Variants in KHDRBS2 observed in about 807,000 individuals in gnomAD.
KHDRBS2 encodes KH RNA binding domain containing, signal transduction associated 2.
In KHDRBS2, 26 loss-of-function variants were observed where a neutral mutation model predicts 44.3. The observed-to-expected ratio is 0.59, with a 90% CI of 0.43 to 0.81. KHDRBS2 has a LOEUF of 0.81. KHDRBS2 is among the 40% of genes least tolerant of loss of function. The pLI is 0.00. For missense variants in KHDRBS2, 476 were observed against 433.1 expected (o/e 1.10, Z -0.88); for synonymous variants, 194 against 151.1 (o/e 1.28, Z -2.08).
intron 1 of KHDRBS2, among the ~76,000 whole-genome samples, chr6:62,237,486 G>A (rs1490842075): frequency 6.6e-6 from 1 of 152,144 alleles, no homozygotes; most frequent in Non-Finnish European, 1.5e-5. Flanking sequence ...AAGAGTTCTG[G>A]CTTGGATTTA....
At chr6:62,169,159 G>GTATATGTGTATATA (rs1491102372) in intron 2 of KHDRBS2, among the ~76,000 whole-genome samples, 2 of 50,240 alleles carry the variant, frequency 4.0e-5, no homozygotes, top group African/African-American at 7.2e-5. Flanking sequence ...GTATATATAC[G>GTATATGTGTATATA]TACACATATA....
intron 6 of KHDRBS2, among the ~76,000 whole-genome samples, chr6:61,815,497 C>T (rs910147136): frequency 1.3e-5 from 2 of 152,062 alleles, no homozygotes; most frequent in South Asian, 2.1e-4. Flanking sequence ...GCAAAAGTAA[C>T]GAGTTCTTGC....
At chr6:62,061,167 A>C (rs910946355) in intron 2 of KHDRBS2, among the ~76,000 whole-genome samples, 2 of 151,404 alleles carry the variant, frequency 1.3e-5, no homozygotes, top group African/African-American at 4.9e-5. Context: ...CATTTAGTCC[A>C]TTTACATTTA....
At chr6:61,624,765 G>A in the KHDRBS2 span, among the ~76,000 whole-genome samples, 6 of 152,066 alleles carry the variant, frequency 3.9e-5, no homozygotes, top group African/African-American at 1.2e-4. Context: ...CGATATATAC[G>A]CTAAGTCAGA....
At chr6:61,719,636 T>A (rs1484182243) in intron 7 of KHDRBS2, among the ~76,000 whole-genome samples, 1 of 152,110 alleles carries the variant, frequency 6.6e-6, no homozygotes, top group Non-Finnish European at 1.5e-5. Context: ...CTCATCAATT[T>A]ATTTCTTTAC....
chr6:61,788,397 CA>C (rs1013655915), intron 6 of KHDRBS2, among the ~76,000 whole-genome samples: 4 of 151,502 alleles, frequency 2.6e-5, no homozygotes, highest in Non-Finnish European at 4.4e-5. Context: ...TAATAAGAGA[CA>C]GAGAATAGGT....
At chr6:62,276,533 C>T (rs1475843679) in intron 1 of KHDRBS2, among the ~76,000 whole-genome samples, 1 of 152,148 alleles carries the variant, frequency 6.6e-6, no homozygotes, top group Non-Finnish European at 1.5e-5. Flanking sequence ...GCTCTGCCAC[C>T]ACATCACTAA....
At chr6:61,674,013 A>T in the KHDRBS2 span, among the ~76,000 whole-genome samples, 1 of 151,808 alleles carries the variant, frequency 6.6e-6, no homozygotes, top group Non-Finnish European at 1.5e-5. Context: ...CAGAGTTTTG[A>T]TCTACAGATT....
chr6:61,681,094 G>C, intron 8 of KHDRBS2, 34 bp from the exon 9 acceptor site: 1 of 1,416,954 alleles, frequency 7.1e-7, no homozygotes, highest in Non-Finnish European at 9.9e-7. Context: ...ACACACACAT[G>C]ACTTCACAGT....
chr6:61,720,672 A>C (rs1772316170), intron 7 of KHDRBS2, among the ~76,000 whole-genome samples: 1 of 152,048 alleles, frequency 6.6e-6, no homozygotes, highest in African/African-American at 2.4e-5. Context: ...TAGATTCTGG[A>C]TATTAGCCCT....
intron 6 of KHDRBS2, among the ~76,000 whole-genome samples, chr6:61,790,041 G>C (rs1183359199): frequency 6.6e-6 from 1 of 151,430 alleles, no homozygotes; most frequent in South Asian, 2.1e-4. Flanking sequence ...TTGGGTGCTA[G>C]TGAATTGACT....
chr6:61,945,763 A>C (rs963094845), intron 4 of KHDRBS2, among the ~76,000 whole-genome samples: 1 of 151,832 alleles, frequency 6.6e-6, no homozygotes. Context: ...TCAAGCAAAA[A>C]CCCATGAAAA....
chr6:61,603,598 A>G, the KHDRBS2 span, among the ~76,000 whole-genome samples: 2 of 152,172 alleles, frequency 1.3e-5, no homozygotes, highest in Admixed American at 6.5e-5. Flanking sequence ...TCTGTCTGCA[A>G]TGACTGCCGC....
intron 2 of KHDRBS2, among the ~76,000 whole-genome samples, chr6:62,176,227 C>T (rs1397848131): frequency 6.6e-6 from 1 of 151,256 alleles, no homozygotes; most frequent in Non-Finnish European, 1.5e-5. Flanking sequence ...AAAACATATA[C>T]CTATGTAACA....
At chr6:61,721,260 G>A (rs957572674) in intron 7 of KHDRBS2, among the ~76,000 whole-genome samples, 7 of 151,968 alleles carry the variant, frequency 4.6e-5, no homozygotes, top group African/African-American at 1.2e-4. Flanking sequence ...TGGGCGACGC[G>A]GGCTCTTTTT....
chr6:61,598,825 CTTTTTTCTTTTCTTTT>C, the KHDRBS2 span, among the ~76,000 whole-genome samples: 2 of 56,504 alleles, frequency 3.5e-5, no homozygotes, highest in African/African-American at 8.1e-5. Flanking sequence ...GTAGAGTGTC[CTTTTTTCTTTTCTTTT>C]TTTTTTTTTT....
At chr6:61,868,047 G>A (rs1798038546) in intron 6 of KHDRBS2, among the ~76,000 whole-genome samples, 1 of 152,052 alleles carries the variant, frequency 6.6e-6, no homozygotes, top group Non-Finnish European at 1.5e-5. Context: ...CTGCAGGCTG[G>A]ACCAGCTGAG....
intron 1 of KHDRBS2, among the ~76,000 whole-genome samples, chr6:62,198,867 C>G (rs1186569739): frequency 6.6e-6 from 1 of 152,118 alleles, no homozygotes; most frequent in African/African-American, 2.4e-5. Flanking sequence ...AATCCAGCAG[C>G]ACATCAAAAA....
chr6:62,003,185 G>A (rs1584088255), intron 3 of KHDRBS2, among the ~76,000 whole-genome samples: 1 of 151,990 alleles, frequency 6.6e-6, no homozygotes, highest in East Asian at 1.9e-4. Flanking sequence ...CAGCTGAGGT[G>A]GGAGGATGAC....
Sources: gnomAD v4.1 joint callset for allele counts (sites outside exome capture counted in the v4.1 genomes callset) on GRCh38, gnomAD v4.1.1 for gene constraint, MANE v1.5 for transcripts, NCBI Gene and HGNC (gene_info 2026-07-23, HGNC 2026-07-21) for gene names.